The following CACNA1B variants were observed in gnomAD, a reference collection of about 807,000 sequenced individuals.
CACNA1B encodes calcium voltage-gated channel subunit alpha1 B.
A neutral mutation model predicts 247.2 loss-of-function variants in CACNA1B; 70 were observed. That is an observed-to-expected ratio of 0.28 (90% CI 0.23 to 0.35). The LOEUF (loss-of-function observed/expected upper bound fraction) is 0.35. Ranked by LOEUF, CACNA1B falls within the 10% of genes least tolerant of loss-of-function variation. The pLI, the probability that CACNA1B is intolerant of heterozygous loss-of-function variation, is 1.00. For missense variants in CACNA1B, 2,367 were observed against 3,197.4 expected, an observed-to-expected ratio of 0.74 and a Z score of 6.26; for synonymous variants, 1,231 against 1,294.4, an observed-to-expected ratio of 0.95 and a Z score of 1.05.
chr9:137,908,992 CT>C (rs35407113), intron 3 of CACNA1B, among the ~76,000 whole-genome samples: 1,423 of 134,846 alleles, frequency 0.011, 18 homozygotes, highest in African/African-American at 0.025. Context: ...CTGTTTTAAC[CT>C]TTTTTTTTTT....
intron 15 of CACNA1B, among the ~76,000 whole-genome samples, chr9:138,003,778 C>CT (rs11305081): frequency 0.022 from 1,940 of 86,832 alleles, 15 homozygotes; most frequent in Non-Finnish European, 0.03. Context: ...ACGGGCTTGC[C>CT]TTTTTTTTTT....
chr9:138,050,433 C>G lies in CACNA1B; in HGVS notation c.3710+1118C>G, dbSNP rs1262742859. On this transcript the variant is annotated intron_variant, in intron 24 of 46. Coordinates refer to ENST00000371372, the MANE Select transcript of CACNA1B (RefSeq NM_000718.4). The surrounding 1 kb of genome is among the most constrained non-coding windows in gnomAD (Gnocchi z 5.2). ...CACAGCCCGAGGACCGGGGACATCG[C>G]GAGGCGCTCCCGGTGCAGCTCCTCT... is the stretch of plus-strand genomic sequence containing the variant. 6.6e-6 allele frequency among the ~76,000 whole-genome samples: 1 copy of G among 152,206 alleles called. No homozygotes were observed. Among genetic ancestry groups the G allele is most frequent in the Non-Finnish European group, 1.5e-5 (1 of 68,036 alleles).
chr9:137,948,935 T>A (rs1193796027), intron 6 of CACNA1B, among the ~76,000 whole-genome samples: 1 of 132,426 alleles, frequency 7.6e-6, no homozygotes, highest in Non-Finnish European at 1.6e-5. Flanking sequence ...TGTGGTGTGT[T>A]TGTGTATGGT....
chr9:138,115,451 A>G (rs1003889294), intron 41 of CACNA1B, 101 bp from the exon 42 acceptor site: 1 of 1,292,726 alleles, frequency 7.7e-7, no homozygotes, highest in Non-Finnish European at 1.1e-6. Context: ...GGGCTTGAAC[A>G]TGACCTGGCT....
intron 6 of CACNA1B, among the ~76,000 whole-genome samples, chr9:137,945,193 G>A (rs78354530): frequency 0.053 from 8,060 of 152,236 alleles, 335 homozygotes; most frequent in East Asian, 0.19. Context: ...AAAATCAGAC[G>A]TTTTCTCCTT....
chr9:138,029,594 T>C (rs1049601134), intron 20 of CACNA1B, among the ~76,000 whole-genome samples: 61 of 147,020 alleles, frequency 4.1e-4, no homozygotes, highest in Admixed American at 3.7e-3. Flanking sequence ...TGTGTTTTTT[T>C]GTGTTTTTCT....
At chr9:138,006,942 A>G (rs888585797) in intron 16 of CACNA1B, 58 bp downstream of exon 16, 1 of 872,334 alleles carries the variant, frequency 1.1e-6, no homozygotes, top group Non-Finnish European at 1.9e-6. Context: ...CCTCTTCTCC[A>G]TGGCCACCAC....
intron 12 of CACNA1B, among the ~76,000 whole-genome samples, chr9:137,979,504 C>T (rs1439208772): frequency 6.6e-6 from 1 of 152,104 alleles, no homozygotes; most frequent in Non-Finnish European, 1.5e-5. Context: ...GAGTGAGTCA[C>T]TGGGCCCAGT....
At chr9:138,071,934 CTT>C (rs1960147486) in intron 32 of CACNA1B, among the ~76,000 whole-genome samples, 1 of 152,034 alleles carries the variant, frequency 6.6e-6, no homozygotes, top group South Asian at 2.1e-4. Context: ...ATAAGGGTCT[CTT>C]GACACGGGAC....
intron 15 of CACNA1B, among the ~76,000 whole-genome samples, chr9:137,987,604 G>C (rs1307557490): frequency 6.6e-6 from 1 of 152,230 alleles, no homozygotes; most frequent in Non-Finnish European, 1.5e-5. Flanking sequence ...CCAGGGGCTT[G>C]GCTTGGCTCC....
chr9:137,900,594 G>A (rs953691328), intron 3 of CACNA1B, among the ~76,000 whole-genome samples: 1 of 150,764 alleles, frequency 6.6e-6, no homozygotes, highest in Non-Finnish European at 1.5e-5. Context: ...GTGTGTCCAT[G>A]TCTGTGCCGT....
At chr9:138,028,849 G>T (rs1050505994) in intron 20 of CACNA1B, among the ~76,000 whole-genome samples, 1 of 152,200 alleles carries the variant, frequency 6.6e-6, no homozygotes, top group African/African-American at 2.4e-5. Context: ...CTGATTGGTT[G>T]GTTCAGGTGA....
intron 6 of CACNA1B, among the ~76,000 whole-genome samples, chr9:137,951,818 G>A (rs989662518): frequency 6.6e-6 from 1 of 152,238 alleles, no homozygotes; most frequent in African/African-American, 2.4e-5. Context: ...TGTGGGAGCT[G>A]CTGCATGTGG....
intron 15 of CACNA1B, among the ~76,000 whole-genome samples, chr9:137,996,530 G>A (rs1437019099): frequency 1.3e-5 from 2 of 152,088 alleles, no homozygotes; most frequent in Non-Finnish European, 2.9e-5. Flanking sequence ...GGAGGGGGAC[G>A]AGGAATAAAA....
Position 137,880,906 on chromosome 9 carries a change from C to T in CACNA1B, c.390+1747C>T, listed in dbSNP as rs1210917130. Among the ~76,000 whole-genome samples, 3 of 152,126 alleles carry T rather than the reference C, an allele frequency of 2.0e-5. No homozygotes were observed. The highest frequency in any genetic ancestry group is 2.1e-4 in the South Asian group (1 of 4,832). On this transcript the variant is annotated intron_variant, in intron 2 of 46. Coordinates refer to ENST00000371372, the MANE Select transcript of CACNA1B (RefSeq NM_000718.4). This position sits in a 1 kb window ranked among gnomAD's most constrained non-coding sequence, Gnocchi z 4.8. ...CTCTCGGGGCTGTTTCCCACCTCCC[C>T]GTCGACTCTGGAGCTACCTCGAGCC... is the stretch of plus-strand genomic sequence containing the variant.
chr9:137,938,573 C>A (rs1957695969), intron 6 of CACNA1B, among the ~76,000 whole-genome samples: 1 of 152,036 alleles, frequency 6.6e-6, no homozygotes, highest in Non-Finnish European at 1.5e-5. Flanking sequence ...ACTTTCCATG[C>A]AAATGGACAC....
rs1231073222 is a variant in CACNA1B, at chr9:138,072,273, A to G, written c.4675-1215A>G. Among the ~76,000 whole-genome samples the G allele has an allele frequency of 1.3e-5, 2 of 152,186 alleles. No individual in the cohort carries two copies. Among genetic ancestry groups the G allele is most frequent in the East Asian group, 3.9e-4 (2 of 5,184 alleles). ...AATCCTCAGCCACCCTGCCCCTGCC[A>G]GTGGAAGTGGCAGACCTAGGCAGAG... is the stretch of plus-strand genomic sequence containing the variant. On this transcript the variant is annotated intron_variant, in intron 32 of 46. Transcript: ENST00000371372. This position sits in a 1 kb window ranked among gnomAD's most constrained non-coding sequence, Gnocchi z 4.5.
rs1962192034 is a variant in CACNA1B, at chr9:138,124,256, A to G, written c.*2257A>G. On this transcript the variant is annotated 3_prime_UTR_variant, in exon 47 of 47. Coordinates refer to ENST00000371372, the MANE Select transcript of CACNA1B (RefSeq NM_000718.4). ...CAGTCAAGCAGTGGCTGTAGTTTGA[A>G]CAAGTTATGTGTGCATGTAACATAT... 1 of 152,202 alleles carries G rather than the reference A, an allele frequency of 6.6e-6. No individual in the cohort carries two copies. Among genetic ancestry groups the G allele is most frequent in the East Asian group, 1.9e-4 (1 of 5,206 alleles). 9.4% of individuals were successfully genotyped at this position (152,202 alleles called of 1,614,324 possible).
chr9:138,088,282 T>C (rs568896819), intron 36 of CACNA1B, among the ~76,000 whole-genome samples: 4 of 152,016 alleles, frequency 2.6e-5, no homozygotes, highest in African/African-American at 9.7e-5. Context: ...GGCAGGAGAA[T>C]TGCTTGAACC....
Sources: allele counts gnomAD v4.1 joint callset (sites outside exome capture counted in the v4.1 genomes callset), GRCh38; gene constraint gnomAD v4.1.1; non-coding constraint Gnocchi (gnomAD v3.1); transcripts MANE v1.5; gene names NCBI Gene and HGNC (gene_info 2026-07-23, HGNC 2026-07-21).